Variants in COMMD10 observed in about 807,000 individuals in gnomAD.
COMMD10 encodes the protein COMM domain containing 10, also known as COMM domain-containing protein 10.
In COMMD10, 33 loss-of-function variants were observed where a neutral mutation model predicts 28.9. That is an observed-to-expected ratio of 1.14 (90% confidence interval 0.87 to 1.53). The LOEUF is 1.53. Ranked by LOEUF, COMMD10 falls within the 40% of genes most tolerant of loss-of-function variation. The pLI is 0.00. For missense variants in COMMD10, 310 were observed against 233.4 expected, an observed-to-expected ratio of 1.33 and a Z score of -2.14; for synonymous variants, 110 against 81.7, an observed-to-expected ratio of 1.35 and a Z score of -1.87.
intron 5 of COMMD10, among the ~76,000 whole-genome samples, chr5:116,282,955 A>G (rs1405603824): frequency 6.6e-6 from 1 of 151,960 alleles, no homozygotes; most frequent in African/African-American, 2.4e-5. Context: ...AAACATGTAC[A>G]CATAGGAGCA....
Position 116,085,070 on chromosome 5 carries a change from G to C in COMMD10, c.18G>C (p.Ala6=). MAVPA[A]LILRESPSMK... The stretch of plus-strand genomic sequence containing the variant: ...AGCCGAAGATGGCGGTCCCCGCGGC[G>C]CTGATCCTACGGGAGAGCCCCAGGT... Residue 6 remains alanine, a synonymous_variant, in exon 1 of 7, where the codon GCG becomes GCC. Coordinates refer to ENST00000274458, the MANE Select transcript of COMMD10 (RefSeq NM_016144.4). 1 of 1,609,910 alleles carries C rather than the reference G, an allele frequency of 6.2e-7. No individual in the cohort carries two copies. Among genetic ancestry groups the C allele is most frequent in the Non-Finnish European group, 8.5e-7 (1 of 1,178,998 alleles).
In COMMD10 at chr5:116,291,233, G is replaced by GA. The variant is rs764317859; in HGVS notation, c.511-278dup. Among the ~76,000 whole-genome samples the GA allele has an allele frequency of 4.0e-4, 61 of 152,236 alleles. 1 individual carries two copies. The highest frequency in any genetic ancestry group is 3.4e-3 in the Middle Eastern group (1 of 294). ...TAATCTCATGTATTATCTCTGTCTT[G>GA]AAAAAATTAGATAATAAAGTTGTTC... On this transcript the variant is annotated intron_variant, in intron 5 of 6. Coordinates refer to ENST00000274458, the MANE Select transcript of COMMD10 (RefSeq NM_016144.4).
At chr5:116,094,252 A>G (rs1373401534) in intron 4 of COMMD10, among the ~76,000 whole-genome samples, 1 of 152,228 alleles carries the variant, frequency 6.6e-6, no homozygotes, top group African/African-American at 2.4e-5. Flanking sequence ...AATGGGATAA[A>G]ATATTTACAA....
chr5:116,121,588 A>G (rs1034724176), intron 4 of COMMD10, among the ~76,000 whole-genome samples: 8 of 152,094 alleles, frequency 5.3e-5, no homozygotes, highest in Middle Eastern at 3.2e-3. Flanking sequence ...ACTAGTTTAC[A>G]CTCCCACCAA....
Position 116,258,972 on chromosome 5 carries a change from C to G in COMMD10, c.511-32545C>G, listed in dbSNP as rs141100845. ...CTAGATCTATCCTCCTTTTCTCTTA[C>G]TTTATATTTCCTCATTTTGCAGGGG... On this transcript the variant is annotated intron_variant, in intron 5 of 6. Coordinates refer to ENST00000274458, the MANE Select transcript of COMMD10 (RefSeq NM_016144.4). 6.0e-3 allele frequency among the ~76,000 whole-genome samples: 900 copies of G among 151,160 alleles called. 11 individuals are homozygous for G. The highest frequency in any genetic ancestry group is 0.02 in the Middle Eastern group (6 of 294).
rs1156634300 is a variant in COMMD10 at position 116,292,496 on chromosome 5, C to T, written c.*7C>T. On this transcript the variant is annotated 3_prime_UTR_variant, in exon 7 of 7. Coordinates refer to ENST00000274458, the MANE Select transcript of COMMD10 (RefSeq NM_016144.4). ...GCTGGATTCCCTTACATGATGTTTT[C>T]GAAGACTGTTTTTTTCATCACGCTC... is the stretch of plus-strand genomic sequence containing the variant. 13 of 1,560,590 alleles carry T rather than the reference C, an allele frequency of 8.3e-6. No individual in the cohort carries two copies. Among genetic ancestry groups the T allele is most frequent in the Middle Eastern group, 1.7e-4 (1 of 5,852 alleles).
chr5:116,093,608 C>T (rs57390467), intron 4 of COMMD10, among the ~76,000 whole-genome samples: 3,017 of 152,184 alleles, frequency 0.02, 91 homozygotes, highest in African/African-American at 0.062. Flanking sequence ...CCATGCTCCC[C>T]CTGAGTCTTA....
chr5:116,200,290 G>C (rs1261595180), intron 5 of COMMD10, among the ~76,000 whole-genome samples: 1 of 151,936 alleles, frequency 6.6e-6, no homozygotes, highest in Non-Finnish European at 1.5e-5. Context: ...AAAATTGGAT[G>C]TAATTATCTT....
chr5:116,150,653 CTGTT>C (rs1752494842), intron 5 of COMMD10, among the ~76,000 whole-genome samples: 2 of 142,902 alleles, frequency 1.4e-5, no homozygotes, highest in Admixed American at 7.0e-5. Context: ...ATTTGGCTCT[CTGTT>C]TGTCTGTTAT....
At chr5:116,110,025 A>C (rs1368915984) in intron 4 of COMMD10, among the ~76,000 whole-genome samples, 3 of 152,124 alleles carry the variant, frequency 2.0e-5, no homozygotes, top group Non-Finnish European at 4.4e-5. Context: ...TATGGCATTT[A>C]ATATTATGAT....
At chr5:116,157,898 G>A (rs189680528) in intron 5 of COMMD10, among the ~76,000 whole-genome samples, 55 of 148,424 alleles carry the variant, frequency 3.7e-4, no homozygotes, top group Non-Finnish European at 7.1e-4. Context: ...GTATTTTATT[G>A]TGGTTTTAAT....
intron 5 of COMMD10, among the ~76,000 whole-genome samples, chr5:116,262,520 A>G (rs1189978819): frequency 1.3e-5 from 2 of 151,786 alleles, no homozygotes; most frequent in Non-Finnish European, 1.5e-5. Flanking sequence ...CCATTAAAAT[A>G]TGATTTTCTT....
At chr5:116,195,807 C>T (rs1006967434) in intron 5 of COMMD10, among the ~76,000 whole-genome samples, 2 of 151,964 alleles carry the variant, frequency 1.3e-5, no homozygotes, top group African/African-American at 4.8e-5. Flanking sequence ...GAAAATATAA[C>T]AAATGGCCAA....
In COMMD10 at chr5:116,091,173, C is replaced by A; in HGVS notation, c.227C>A (p.Ser76Ter). The A allele has an allele frequency of 1.3e-6, 2 of 1,594,252 alleles. No individual in the cohort carries two copies. Among genetic ancestry groups the A allele is most frequent in the Non-Finnish European group, 1.7e-6 (2 of 1,165,078 alleles). ...CTTCACCTAGTTCTTGAAACAATAT[C>A]ATTTATTTTAGAACAGGTATTTTTA... is the stretch of plus-strand genomic sequence containing the variant. ...QDLHLVLETISFILEQAVYHN... is the reference protein window; with the variant it reads ...QDLHLVLETI The change falls in exon 3 of 7, where the codon TCA becomes TAA. Residue 76 changes from serine (S) to a stop codon, truncating the protein, a stop_gained. Coordinates refer to ENST00000274458, the MANE Select transcript of COMMD10 (RefSeq NM_016144.4). LOFTEE classifies it high-confidence loss of function.
intron 5 of COMMD10, among the ~76,000 whole-genome samples, chr5:116,135,950 C>T (rs1449309129): frequency 6.6e-6 from 1 of 152,086 alleles, no homozygotes; most frequent in Admixed American, 6.6e-5. Context: ...TCTATCTACA[C>T]AATTTTTATG....
intron 5 of COMMD10, among the ~76,000 whole-genome samples, chr5:116,271,010 C>G (rs921678882): frequency 1.7e-4 from 25 of 151,460 alleles, no homozygotes; most frequent in Non-Finnish European, 2.5e-4. Context: ...TAACTTGGTT[C>G]ATAAATTGGG....
At chr5:116,119,442 T>C (rs1427263391) in intron 4 of COMMD10, among the ~76,000 whole-genome samples, 1 of 152,240 alleles carries the variant, frequency 6.6e-6, no homozygotes, top group Non-Finnish European at 1.5e-5. Flanking sequence ...AACAGACTCC[T>C]GAGGTCTTCT....
chr5:116,178,637 C>T (rs1747839459), intron 5 of COMMD10, among the ~76,000 whole-genome samples: 1 of 152,030 alleles, frequency 6.6e-6, no homozygotes, highest in Admixed American at 6.6e-5. Context: ...TCCTAAGAAG[C>T]ACTTAATATT....
At chr5:116,231,841 A>G (rs983740915) in intron 5 of COMMD10, among the ~76,000 whole-genome samples, 1 of 152,122 alleles carries the variant, frequency 6.6e-6, no homozygotes, top group Non-Finnish European at 1.5e-5. Flanking sequence ...CTTCAAGACA[A>G]TCCAGAAAAA....
Sources: allele counts gnomAD v4.1 joint callset (sites outside exome capture counted in the v4.1 genomes callset), GRCh38; gene constraint gnomAD v4.1.1; transcripts MANE v1.5; gene names NCBI Gene and HGNC (gene_info 2026-07-23, HGNC 2026-07-21).